OPCML: variants seen among roughly 807,000 people sequenced by gnomAD.
OPCML encodes the protein opioid binding protein/cell adhesion molecule like.
In OPCML, 13 loss-of-function variants were observed where a neutral mutation model predicts 37.8. The observed-to-expected ratio is 0.34, with a 90% CI of 0.22 to 0.55. OPCML has a LOEUF of 0.55. Among genes scored for constraint, OPCML ranks in the 20% least tolerant of loss-of-function variants. OPCML has a pLI of 0.91. For synonymous variants in OPCML, 176 were observed against 168.8 expected (o/e 1.04, Z -0.33); for missense variants, 341 against 435.6 (o/e 0.78, Z 1.93).
intron 2 of OPCML, among the ~76,000 whole-genome samples, chr11:132,693,071 G>C (rs960532880): frequency 6.6e-6 from 1 of 152,198 alleles, no homozygotes; most frequent in African/African-American, 2.4e-5. Context: ...CTCAGTTCCT[G>C]GCTCTTTGCC....
chr11:133,508,976 GT>G (rs796111876), intron 1 of OPCML, among the ~76,000 whole-genome samples: 5,286 of 147,554 alleles, frequency 0.036, 298 homozygotes, highest in African/African-American at 0.12. Context: ...ATATAAGTTC[GT>G]TTTTTTTTTT....
intron 1 of OPCML, among the ~76,000 whole-genome samples, chr11:132,999,806 G>A (rs1277489310): frequency 6.6e-6 from 1 of 152,122 alleles, no homozygotes; most frequent in East Asian, 1.9e-4. Flanking sequence ...TGGTTCTGTT[G>A]GCAACGTTGT....
At chr11:132,805,016 G>A (rs1938914553) in intron 2 of OPCML, among the ~76,000 whole-genome samples, 1 of 152,126 alleles carries the variant, frequency 6.6e-6, no homozygotes, top group African/African-American at 2.4e-5. Flanking sequence ...AAATAAAAAT[G>A]TGTTCACAAA....
At chr11:132,961,758 C>A (rs1946097885) in intron 1 of OPCML, among the ~76,000 whole-genome samples, 1 of 152,210 alleles carries the variant, frequency 6.6e-6, no homozygotes, top group Admixed American at 6.5e-5. Context: ...GATCCCTGGC[C>A]ATTGCTGGAC....
intron 1 of OPCML, among the ~76,000 whole-genome samples, chr11:133,386,018 A>G (rs564678166): frequency 2.6e-5 from 4 of 152,324 alleles, no homozygotes; most frequent in South Asian, 2.1e-4. Flanking sequence ...CTCACAACTC[A>G]TCTTAAACCA....
chr11:132,452,530 AGCCT>A (rs1240037957), intron 4 of OPCML, among the ~76,000 whole-genome samples: 123 of 106,082 alleles, frequency 1.2e-3, no homozygotes, highest in Admixed American at 7.2e-3. Context: ...TCCTTCTTTC[AGCCT>A]GCCTGCCTGC....
intron 4 of OPCML, among the ~76,000 whole-genome samples, chr11:132,487,365 G>A (rs952895229): frequency 8.5e-5 from 13 of 152,048 alleles, no homozygotes; most frequent in Non-Finnish European, 1.0e-4. Flanking sequence ...TGCTGACCTG[G>A]GCCATCATCT....
intron 1 of OPCML, among the ~76,000 whole-genome samples, chr11:132,950,433 GA>G (rs1945833590): frequency 1.3e-5 from 2 of 152,216 alleles, no homozygotes; most frequent in South Asian, 4.1e-4. Flanking sequence ...TACCTGTAAT[GA>G]GGATGATGCC....
chr11:133,063,361 G>A (rs770617305), intron 1 of OPCML, among the ~76,000 whole-genome samples: 1 of 152,162 alleles, frequency 6.6e-6, no homozygotes, highest in African/African-American at 2.4e-5. Flanking sequence ...GGGTCAGAAA[G>A]GAGGAAAGCC....
intron 4 of OPCML, among the ~76,000 whole-genome samples, chr11:132,446,472 C>T (rs927294075): frequency 5.9e-5 from 9 of 151,836 alleles, no homozygotes; most frequent in South Asian, 2.1e-4. Context: ...CAAAAAAAGT[C>T]GCTAGCATTT....
intron 1 of OPCML, among the ~76,000 whole-genome samples, chr11:133,052,315 T>A (rs1459323087): frequency 6.6e-6 from 1 of 152,202 alleles, no homozygotes; most frequent in Non-Finnish European, 1.5e-5. Context: ...TATAGAATAA[T>A]CATTTGAGGT....
At chr11:132,905,225 CTTTTTTTTTTTT>C (rs373679886) in intron 2 of OPCML, among the ~76,000 whole-genome samples, 1,674 of 88,432 alleles carry the variant, frequency 0.019, 61 homozygotes, top group African/African-American at 0.074. Flanking sequence ...GAAAGCAGTT[CTTTTTTTTTTTT>C]TTTTTTTTTT....
intron 1 of OPCML, among the ~76,000 whole-genome samples, chr11:133,490,207 A>G (rs1004446366): frequency 6.6e-6 from 1 of 152,194 alleles, no homozygotes; most frequent in Admixed American, 6.5e-5. Context: ...TCTGAGGGTG[A>G]GAATAAAAAC....
chr11:132,913,006 T>C (rs1372858329), intron 2 of OPCML, among the ~76,000 whole-genome samples: 2 of 152,240 alleles, frequency 1.3e-5, no homozygotes, highest in Non-Finnish European at 2.9e-5. Flanking sequence ...GAGGCATTAG[T>C]AGAGTTGGAG....
intron 1 of OPCML, among the ~76,000 whole-genome samples, chr11:133,115,149 G>A (rs1463388247): frequency 2.0e-5 from 3 of 152,168 alleles, no homozygotes; most frequent in Non-Finnish European, 4.4e-5. Flanking sequence ...GTAACTCTTT[G>A]ATCTACATTC....
chr11:132,877,095 G>A (rs963432505), intron 2 of OPCML, among the ~76,000 whole-genome samples: 3 of 152,132 alleles, frequency 2.0e-5, no homozygotes, highest in Admixed American at 6.5e-5. Flanking sequence ...GTGCCAAGAG[G>A]CCACAGTCGC....
intron 2 of OPCML, among the ~76,000 whole-genome samples, chr11:132,866,322 T>C (rs1457529006): frequency 6.6e-6 from 1 of 152,226 alleles, no homozygotes; most frequent in Admixed American, 6.5e-5. Context: ...GGGGATGCTA[T>C]AAAGCGCATC....
intron 1 of OPCML, chr11:133,421,471 C>A (rs1945885745): frequency 1.0e-6 from 1 of 985,414 alleles, no homozygotes; most frequent in Non-Finnish European, 1.2e-6. Flanking sequence ...CGGAAATTAT[C>A]ATTTCTATGG....
At chr11:132,526,962 T>C (rs1196611475) in intron 4 of OPCML, among the ~76,000 whole-genome samples, 2 of 152,112 alleles carry the variant, frequency 1.3e-5, no homozygotes, top group Non-Finnish European at 2.9e-5. Flanking sequence ...TTATAGGATT[T>C]CATGCAAACA....
Sources: gnomAD v4.1 joint callset for allele counts (sites outside exome capture counted in the v4.1 genomes callset) on GRCh38, gnomAD v4.1.1 for gene constraint, MANE v1.5 for transcripts, NCBI Gene and HGNC (gene_info 2026-07-23, HGNC 2026-07-21) for gene names.